LSM4: variants seen among roughly 807,000 people sequenced by gnomAD.
LSM4 encodes U6 snRNA-associated Sm-like protein LSm4.
LSM4 carries 15 observed loss-of-function variants against 22.3 expected under a neutral mutation model. The observed-to-expected ratio is 0.67, with a 90% CI of 0.45 to 1.03. The LOEUF (loss-of-function observed/expected upper bound fraction) is 1.03, where lower values mean the gene tolerates loss of function less well. Ranked by LOEUF, LSM4 falls within the 50% of genes least tolerant of loss-of-function variation. LSM4 has a pLI of 0.00. For synonymous variants in LSM4, 90 were observed against 79.8 expected (o/e 1.13, Z -0.68); for missense variants, 127 against 198.0 (o/e 0.64, Z 2.15).
At chr19:18,315,963 C>A in intron 2 of LSM4, 61 bp downstream of exon 2, 1 of 1,525,594 alleles carries the variant, frequency 6.6e-7, no homozygotes, top group South Asian at 1.1e-5. Context: ...GCTCAGCCAC[C>A]GCCCCTGTGC....
At chr19:18,310,974 G>A (rs191471256) in intron 3 of LSM4, among the ~76,000 whole-genome samples, 11 of 152,296 alleles carry the variant, frequency 7.2e-5, no homozygotes, top group South Asian at 2.1e-4. Context: ...TTACCTGCCC[G>A]AATCCCCAAG....
At chr19:18,321,083 T>G (rs1415184505) in intron 1 of LSM4, among the ~76,000 whole-genome samples, 1 of 152,214 alleles carries the variant, frequency 6.6e-6, no homozygotes, top group African/African-American at 2.4e-5. Context: ...GTGTATCCTG[T>G]GATGGCTTGT....
chr19:18,309,588 C>T (rs762791970), intron 4 of LSM4, 90 bp downstream of exon 4: 20 of 1,381,918 alleles, frequency 1.4e-5, no homozygotes, highest in Non-Finnish European at 1.3e-5. Flanking sequence ...GGCTCCGAGG[C>T]AGCGCTGCAA....
chr19:18,312,328 G>A (rs1014434907), intron 3 of LSM4: 62 of 402,872 alleles, frequency 1.5e-4, no homozygotes, highest in Middle Eastern at 1.5e-3. Context: ...CCCAGCCTGA[G>A]CCACAGGGAG....
chr19:18,316,368 G>T (rs922710301), intron 1 of LSM4: 3 of 212,132 alleles, frequency 1.4e-5, no homozygotes, highest in African/African-American at 7.8e-5. Flanking sequence ...TTGAGACGGA[G>T]TCTCGCTCTG....
chr19:18,307,613 A>T (rs1970244534), intron 4 of LSM4, 58 bp from the exon 5 acceptor site: 1 of 1,271,942 alleles, frequency 7.9e-7, no homozygotes, highest in Non-Finnish European at 1.1e-6. Context: ...CTTCGACAGG[A>T]TCCCGGCGCC....
At position 18,309,802 on chromosome 19, in the gene LSM4, G is replaced by A. The variant is rs200432875; in HGVS notation, c.204C>T (p.Tyr68=). The A allele has an allele frequency of 6.8e-6, 11 of 1,613,924 alleles. No homozygotes were observed. The highest frequency in any genetic ancestry group is 1.3e-5 in the African/African-American group (1 of 75,034). ...ECYIRGSTIK[Y]LRIPDEIIDM... ...CGATGATCTCGTCGGGGATGCGCAGGTACTTGATGGTGCTGCCGCGGATGT... is the reference window on the plus strand; with the variant it reads ...CGATGATCTCGTCGGGGATGCGCAGATACTTGATGGTGCTGCCGCGGATGT... Residue 68 remains tyrosine, a synonymous_variant, in exon 4 of 5, where the codon TAC becomes TAT. Transcript: ENST00000593829.
intron 1 of LSM4, among the ~76,000 whole-genome samples, chr19:18,320,809 A>C (rs925788369): frequency 1.3e-5 from 2 of 152,160 alleles, no homozygotes; most frequent in African/African-American, 4.8e-5. Flanking sequence ...AAAATAAATA[A>C]AATGAAATAG....
intron 1 of LSM4, among the ~76,000 whole-genome samples, chr19:18,321,787 C>G (rs1225920750): frequency 6.6e-6 from 1 of 152,126 alleles, no homozygotes; most frequent in Non-Finnish European, 1.5e-5. Context: ...TCTGGCTCAA[C>G]CAGTCCTGCG....
intron 1 of LSM4, among the ~76,000 whole-genome samples, chr19:18,320,151 C>G (rs1970409990): frequency 6.6e-6 from 1 of 152,204 alleles, no homozygotes; most frequent in Non-Finnish European, 1.5e-5. Context: ...CATCTCCAAA[C>G]TCTGTTGGAG....
intron 1 of LSM4, among the ~76,000 whole-genome samples, chr19:18,317,583 G>A (rs189810901): frequency 9.3e-4 from 142 of 152,062 alleles, no homozygotes; most frequent in African/African-American, 3.1e-3. Flanking sequence ...TCCTGACCCC[G>A]TGATCCGCCT....
intron 4 of LSM4, 111 bp downstream of exon 4, chr19:18,309,567 G>T (rs1454596327): frequency 1.7e-6 from 2 of 1,207,100 alleles, no homozygotes; most frequent in East Asian, 2.6e-5. Context: ...GGGGGCCCGG[G>T]AGGGTTGGGA....
intron 2 of LSM4, among the ~76,000 whole-genome samples, chr19:18,314,424 G>A (rs956815936): frequency 6.6e-6 from 1 of 151,954 alleles, no homozygotes; most frequent in Admixed American, 6.6e-5. Flanking sequence ...CTCCTCAGGA[G>A]GCTGAGGCAG....
chr19:18,311,707 T>G (rs1240408426), intron 3 of LSM4, among the ~76,000 whole-genome samples: 1 of 152,062 alleles, frequency 6.6e-6, no homozygotes, highest in Non-Finnish European at 1.5e-5. Context: ...GCAAGCAGTT[T>G]CTAGAGCTTC....
At chr19:18,312,466 T>A in intron 3 of LSM4, 138 bp downstream of exon 3, 1 of 705,320 alleles carries the variant, frequency 1.4e-6, no homozygotes, top group South Asian at 1.6e-5. Context: ...GCCCTGTCCC[T>A]CCTGACTGAC....
intron 2 of LSM4, among the ~76,000 whole-genome samples, chr19:18,314,348 G>A (rs1041147724): frequency 6.6e-6 from 1 of 151,134 alleles, no homozygotes; most frequent in African/African-American, 2.4e-5. Context: ...GTGAAACCCC[G>A]TCTCTACTAA....
chr19:18,318,014 A>G (rs1290698828), intron 1 of LSM4, among the ~76,000 whole-genome samples: 1 of 152,172 alleles, frequency 6.6e-6, no homozygotes, highest in Non-Finnish European at 1.5e-5. Context: ...TGCCCGTTCT[A>G]GTACTGCCAT....
At chr19:18,322,842 T>C (rs766516392) in intron 1 of LSM4, among the ~76,000 whole-genome samples, 176 bp downstream of exon 1, 4 of 152,104 alleles carry the variant, frequency 2.6e-5, no homozygotes, top group Non-Finnish European at 5.9e-5. Context: ...ACGAACGTGA[T>C]AGAGCCACCT....
At chr19:18,311,517 G>A (rs1970297255) in intron 3 of LSM4, among the ~76,000 whole-genome samples, 1 of 152,192 alleles carries the variant, frequency 6.6e-6, no homozygotes, top group South Asian at 2.1e-4. Context: ...AGGACCTGGA[G>A]GTGTCCACAA....
Sources: allele counts gnomAD v4.1 joint callset (sites outside exome capture counted in the v4.1 genomes callset), GRCh38; gene constraint gnomAD v4.1.1; transcripts MANE v1.5; gene names NCBI Gene and HGNC (gene_info 2026-07-23, HGNC 2026-07-21).